WDR19: variants seen among roughly 807,000 people sequenced by gnomAD.
WDR19 encodes WD repeat domain 19, also known as WD repeat-containing protein 19.
WDR19 carries 121 observed loss-of-function variants against 180.0 expected under a neutral mutation model. The observed-to-expected ratio is 0.67, with a 90% CI of 0.58 to 0.78. The LOEUF is 0.78. WDR19 is among the 30% of genes least tolerant of loss of function. The pLI is 0.00. For missense variants in WDR19, 1,450 were observed against 1,640.7 expected (o/e 0.88, Z 2.01); for synonymous variants, 497 against 540.7 (o/e 0.92, Z 1.12).
At chr4:39,272,200 T>C (rs1029998805) in intron 31 of WDR19, among the ~76,000 whole-genome samples, 3 of 152,078 alleles carry the variant, frequency 2.0e-5, no homozygotes, top group African/African-American at 7.2e-5. Context: ...TCTTTAGGAG[T>C]GCAGGGGGCA....
chr4:39,255,366 A>G (rs1177539651), intron 26 of WDR19, among the ~76,000 whole-genome samples: 1 of 152,042 alleles, frequency 6.6e-6, no homozygotes, highest in African/African-American at 2.4e-5. Context: ...TTAGTATTCT[A>G]TTGGGCCCCA....
chr4:39,190,196 A>T (rs965578785), intron 4 of WDR19, among the ~76,000 whole-genome samples: 1 of 152,172 alleles, frequency 6.6e-6, no homozygotes, highest in Admixed American at 6.5e-5. Flanking sequence ...AGTATGTATC[A>T]TTCTTCACAG....
At chr4:39,267,433 A>G (rs1054366721) in intron 29 of WDR19, among the ~76,000 whole-genome samples, 1 of 152,168 alleles carries the variant, frequency 6.6e-6, no homozygotes, top group African/African-American at 2.4e-5. Context: ...GCCACCTCCC[A>G]TGGTGTCCAC....
At chr4:39,285,301 T>C (rs1737080034) in intron 36 of WDR19, among the ~76,000 whole-genome samples, 186 bp from the exon 37 acceptor site, 1 of 152,230 alleles carries the variant, frequency 6.6e-6, no homozygotes, top group Non-Finnish European at 1.5e-5. Context: ...TTTTAGTCAG[T>C]TGGCAAGGCT....
chr4:39,240,948 T>G (rs994322143), intron 21 of WDR19, among the ~76,000 whole-genome samples: 14 of 125,092 alleles, frequency 1.1e-4, no homozygotes, highest in Non-Finnish European at 2.2e-4. Flanking sequence ...AGAGCGAGAC[T>G]CCATCTCAAA....
intron 2 of WDR19, 97 bp downstream of exon 2, chr4:39,185,914 T>TTA: frequency 1.9e-6 from 2 of 1,069,544 alleles, no homozygotes; most frequent in Non-Finnish European, 1.3e-6. Context: ...TTTTTTTTTT[T>TTA]AAATGGAGTC....
intron 6 of WDR19, among the ~76,000 whole-genome samples, chr4:39,203,122 T>A (rs1054343560): frequency 9.3e-5 from 14 of 150,830 alleles, no homozygotes; most frequent in Admixed American, 8.5e-4. Context: ...CTTTTTTTTT[T>A]TTTTTTTGAG....
At chr4:39,188,574 G>A (rs76618844) in intron 3 of WDR19, among the ~76,000 whole-genome samples, 3 of 142,200 alleles carry the variant, frequency 2.1e-5, no homozygotes, top group Non-Finnish European at 3.0e-5. Context: ...AAGTATAATC[G>A]CACCACCGCA....
At chr4:39,245,876 C>T (rs969327376) in intron 24 of WDR19, among the ~76,000 whole-genome samples, 8 of 152,212 alleles carry the variant, frequency 5.3e-5, no homozygotes, top group Admixed American at 5.2e-4. Context: ...AGCTGCTTAA[C>T]TATCCATTGC....
At chr4:39,275,003 A>G (rs201414547) in intron 33 of WDR19, 45 bp downstream of exon 33, 4 of 1,603,850 alleles carry the variant, frequency 2.5e-6, no homozygotes, top group Non-Finnish European at 2.6e-6. Flanking sequence ...TATTTCTCAA[A>G]GTATTTCCAA....
chr4:39,231,758 GTGGAA>G (rs771794933), intron 17 of WDR19, 34 bp from the exon 18 acceptor site: 31 of 1,509,644 alleles, frequency 2.1e-5, no homozygotes, highest in Non-Finnish European at 2.6e-5. Flanking sequence ...CATGTGGCAA[GTGGAA>G]CATTCTGATT....
chr4:39,273,176 G>C (rs544158717), intron 32 of WDR19, 115 bp downstream of exon 32: 7 of 758,136 alleles, frequency 9.2e-6, no homozygotes, highest in South Asian at 5.6e-5. Context: ...TCTCACAGCA[G>C]CTCCATGAAG....
At chr4:39,184,045 C>G (rs1344195850) in intron 1 of WDR19, among the ~76,000 whole-genome samples, 1 of 152,112 alleles carries the variant, frequency 6.6e-6, no homozygotes, top group Non-Finnish European at 1.5e-5. Context: ...CTCTATAAAA[C>G]TTTTATGTCC....
chr4:39,268,224 ATGACCAT>A, intron 30 of WDR19, 133 bp downstream of exon 30: 1 of 662,316 alleles, frequency 1.5e-6, no homozygotes, highest in Non-Finnish European at 2.4e-6. Flanking sequence ...GACTAAAGAG[ATGACCAT>A]TTCTAGGTTT....
chr4:39,253,408 T>A (rs1340434791), intron 25 of WDR19, 116 bp downstream of exon 25: 23 of 1,232,522 alleles, frequency 1.9e-5, no homozygotes, highest in Admixed American at 5.5e-5. Flanking sequence ...TATTTTTTTA[T>A]CAGGTCTAAG....
At chr4:39,204,189 G>A (rs1041233500) in intron 7 of WDR19, among the ~76,000 whole-genome samples, 2 of 151,744 alleles carry the variant, frequency 1.3e-5, no homozygotes, top group East Asian at 3.9e-4. Flanking sequence ...AGGTTCAAGC[G>A]ATTCTCCTGC....
At chr4:39,207,131 G>T (rs529968046) in intron 9 of WDR19, among the ~76,000 whole-genome samples, 1 of 152,204 alleles carries the variant, frequency 6.6e-6, no homozygotes, top group Admixed American at 6.5e-5. Flanking sequence ...GAAAGTCTCA[G>T]AAAAGAAATA....
intron 36 of WDR19, among the ~76,000 whole-genome samples, chr4:39,280,794 A>G (rs1736419532): frequency 6.6e-6 from 1 of 152,174 alleles, no homozygotes; most frequent in Non-Finnish European, 1.5e-5. Context: ...TCTCTAAATA[A>G]AAACAGTGCC....
intron 24 of WDR19, among the ~76,000 whole-genome samples, chr4:39,245,874 A>G (rs1732467595): frequency 6.6e-6 from 1 of 152,228 alleles, no homozygotes; most frequent in Non-Finnish European, 1.5e-5. Context: ...TAAGCTGCTT[A>G]ACTATCCATT....
Sources: allele counts gnomAD v4.1 joint callset (sites outside exome capture counted in the v4.1 genomes callset), GRCh38; gene constraint gnomAD v4.1.1; transcripts MANE v1.5; gene names NCBI Gene and HGNC (gene_info 2026-07-23, HGNC 2026-07-21).